PDZD2: variants seen among roughly 807,000 people sequenced by gnomAD.
The protein encoded by PDZD2 is PDZ domain-containing protein 2.
Under a neutral mutation model 220.7 loss-of-function variants are expected in PDZD2, and 90 were observed. That is an observed-to-expected ratio of 0.41 (90% CI 0.34 to 0.49). PDZD2 has a LOEUF of 0.49. PDZD2 is among the 20% of genes least tolerant of loss of function. The probability of loss-of-function intolerance (pLI) is 0.28; values close to 1 mark genes in which losing one functional copy is unlikely to be tolerated. For missense variants in PDZD2, 3,174 were observed against 3,608.5 expected (o/e 0.88, Z 3.08); for synonymous variants, 1,375 against 1,450.5 (o/e 0.95, Z 1.18).
rs569691640 is a variant in PDZD2 at position 32,045,762 on chromosome 5, CA to C, written c.1520-2774del. The stretch of plus-strand genomic sequence containing the variant: ...TTAAGAACAAAATTTGTCTTGATTG[CA>C]AATCAATTTCATATGTTTAAAAACC... On this transcript the variant is annotated intron_variant, in intron 7 of 24. Coordinates refer to ENST00000438447, the MANE Select transcript of PDZD2 (RefSeq NM_178140.4). Among the ~76,000 whole-genome samples the C allele has an allele frequency of 6.6e-5, 10 of 151,770 alleles. No homozygotes were observed. In the South Asian group the frequency reaches 2.1e-3, roughly 32 times the overall value.
At chr5:31,771,586 T>A (rs573339441) in intron 1 of PDZD2, among the ~76,000 whole-genome samples, 1 of 152,236 alleles carries the variant, frequency 6.6e-6, no homozygotes, top group South Asian at 2.1e-4. Flanking sequence ...GAGGTCTAAC[T>A]CAAAAAGGAG....
At chr5:31,909,922 CA>C (rs1206595603) in intron 2 of PDZD2, among the ~76,000 whole-genome samples, 1 of 152,124 alleles carries the variant, frequency 6.6e-6, no homozygotes, top group Non-Finnish European at 1.5e-5. Context: ...TCCAAGACCA[CA>C]AGTATTCATA....
chr5:32,075,976 G>A (rs563785892), intron 18 of PDZD2, among the ~76,000 whole-genome samples: 122 of 152,108 alleles, frequency 8.0e-4, no homozygotes, highest in African/African-American at 2.8e-3. Flanking sequence ...TTTGGCCATT[G>A]GGTAAATTTC....
chr5:31,883,513 G>C (rs908756563), intron 2 of PDZD2, among the ~76,000 whole-genome samples: 7 of 151,890 alleles, frequency 4.6e-5, no homozygotes, highest in Admixed American at 4.6e-4. Flanking sequence ...GAGCCACCGT[G>C]TCTGGCCAGC....
rs181685144 is a variant in PDZD2, at chr5:31,830,423, G to A, written c.476+30699G>A. 5.3e-3 allele frequency among the ~76,000 whole-genome samples: 804 copies of A among 150,680 alleles called. 5 individuals carry two copies. Among genetic ancestry groups the A allele is most frequent in the African/African-American group, 0.019 (767 of 40,866 alleles). On this transcript the variant is annotated intron_variant, in intron 2 of 24. Transcript: ENST00000438447. ...GATCTCCTGACCTCGTGATCTGCCC[G>A]TCTTGGCCTCCCAAAGTGCTGGGAT...
At chr5:31,890,656 G>C (rs774153895) in intron 2 of PDZD2, among the ~76,000 whole-genome samples, 2 of 152,174 alleles carry the variant, frequency 1.3e-5, no homozygotes, top group Non-Finnish European at 2.9e-5. Flanking sequence ...TTAACATCTG[G>C]AATCTTGGCT....
chr5:31,751,166 G>A (rs113015206), intron 1 of PDZD2, among the ~76,000 whole-genome samples: 4 of 151,620 alleles, frequency 2.6e-5, no homozygotes, highest in East Asian at 1.9e-4. Context: ...GTTTGAACCC[G>A]GGAGGCGGAG....
intron 2 of PDZD2, among the ~76,000 whole-genome samples, chr5:31,930,393 G>A (rs1444308553): frequency 2.0e-5 from 3 of 151,646 alleles, no homozygotes; most frequent in Non-Finnish European, 4.4e-5. Context: ...GTTTCATGGG[G>A]TTTCACCATG....
rs185765509 is a variant in PDZD2, at chr5:31,762,048, G to C, written c.-360-36841G>C. On this transcript the variant is annotated intron_variant, in intron 1 of 24. Transcript: ENST00000438447. Reference sequence around the variant, plus strand: ...GGTGCCACACACTTTTAAACAACCAGATCTGGTGAGAACTCACTCTGCAGT... The same window carrying C: ...GGTGCCACACACTTTTAAACAACCACATCTGGTGAGAACTCACTCTGCAGT... Among the ~76,000 whole-genome samples, 6 of 152,230 alleles carry C rather than the reference G, an allele frequency of 3.9e-5. No homozygotes were observed. The East Asian group carries it at 9.7e-4, about 25-fold the overall frequency.
intron 1 of PDZD2, among the ~76,000 whole-genome samples, chr5:31,721,948 C>T (rs1290061221): frequency 3.9e-5 from 6 of 152,106 alleles, no homozygotes; most frequent in South Asian, 2.1e-4. Context: ...ATTGGCTTAA[C>T]TCAGACACAT....
chr5:31,983,148 GT>G lies in PDZD2; in HGVS notation c.477-5del, dbSNP rs1750432283. 3 of 1,609,142 alleles carry G rather than the reference GT, an allele frequency of 1.9e-6. No homozygotes were observed. The East Asian group carries it at 6.7e-5, about 36-fold the overall frequency. ...GGTTCTAACTGGCACCTCTCTGTCT[GT>G]TGCAGTTACCTGGCTGAGCAGTGCT... On this transcript the variant is annotated splice_region_variant and splice_polypyrimidine_tract_variant and intron_variant, in intron 2 of 24. Coordinates refer to ENST00000438447, the MANE Select transcript of PDZD2 (RefSeq NM_178140.4).
chr5:31,687,260 G>T (rs62349128), intron 1 of PDZD2, among the ~76,000 whole-genome samples: 4,321 of 152,232 alleles, frequency 0.028, 87 homozygotes, highest in Non-Finnish European at 0.044. Context: ...GTCCACTCAG[G>T]CTTCCATAAC....
rs376457725 is a variant in PDZD2 at position 31,810,986 on chromosome 5, T to C, written c.476+11262T>C. ...AGCTCTGATACTAGTGGCCTTTTCA[T>C]TTTTTATTTTTTTGAGACAGAGTCT... On this transcript the variant is annotated intron_variant, in intron 2 of 24. Coordinates refer to ENST00000438447, the MANE Select transcript of PDZD2 (RefSeq NM_178140.4). Among the ~76,000 whole-genome samples, 25 of 152,308 alleles carry C rather than the reference T, an allele frequency of 1.6e-4. No individual in the cohort carries two copies. In the East Asian group the frequency reaches 1.9e-3, roughly 12 times the overall value.
At chr5:31,973,191 C>T (rs1055391385) in intron 2 of PDZD2, among the ~76,000 whole-genome samples, 2 of 152,120 alleles carry the variant, frequency 1.3e-5, no homozygotes, top group Non-Finnish European at 1.5e-5. Context: ...TGTAAGCTTA[C>T]GTGATAGAAA....
chr5:31,898,051 A>C (rs1741732678), intron 2 of PDZD2, among the ~76,000 whole-genome samples: 1 of 152,036 alleles, frequency 6.6e-6, no homozygotes, highest in Admixed American at 6.6e-5. Context: ...AGTTTTGTGT[A>C]TCTTTTCTCT....
At chr5:31,782,396 T>A (rs1425854062) in intron 1 of PDZD2, among the ~76,000 whole-genome samples, 1 of 152,176 alleles carries the variant, frequency 6.6e-6, no homozygotes, top group African/African-American at 2.4e-5. Flanking sequence ...ATTTGCTGAA[T>A]CTTACAACCC....
intron 2 of PDZD2, among the ~76,000 whole-genome samples, chr5:31,831,595 A>G (rs935407865): frequency 1.5e-4 from 23 of 152,144 alleles, no homozygotes; most frequent in African/African-American, 5.6e-4. Flanking sequence ...AAAAAATACA[A>G]AAATTAGCTG....
intron 6 of PDZD2, among the ~76,000 whole-genome samples, chr5:32,025,220 G>T (rs566066203): frequency 6.6e-6 from 1 of 152,262 alleles, no homozygotes; most frequent in South Asian, 2.1e-4. Flanking sequence ...AGAGAGTGCT[G>T]CCTGGAACTT....
chr5:31,853,831 G>T (rs1009837660), intron 2 of PDZD2, among the ~76,000 whole-genome samples: 5 of 152,156 alleles, frequency 3.3e-5, no homozygotes, highest in African/African-American at 9.6e-5. Context: ...GCCTGCCTGT[G>T]CAAGTCCCGG....
Sources: allele counts gnomAD v4.1 joint callset (sites outside exome capture counted in the v4.1 genomes callset), GRCh38; gene constraint gnomAD v4.1.1; transcripts MANE v1.5; gene names NCBI Gene and HGNC (gene_info 2026-07-23, HGNC 2026-07-21).